Variants in SPATA6 observed in about 807,000 individuals in gnomAD.
The protein encoded by SPATA6 is spermatogenesis associated 6, also known as spermatogenesis-associated protein 6.
In SPATA6, 56 loss-of-function variants were observed where a neutral mutation model predicts 65.3. That is an observed-to-expected ratio of 0.86 (90% CI 0.69 to 1.07). The LOEUF is 1.07. SPATA6 is among the 50% of genes least tolerant of loss of function. SPATA6 has a pLI of 0.00. For missense variants in SPATA6, 590 were observed against 594.8 expected (o/e 0.99, Z 0.08); for synonymous variants, 199 against 213.2 (o/e 0.93, Z 0.58).
intron 3 of SPATA6, among the ~76,000 whole-genome samples, chr1:48,419,425 G>A (rs1653110801): frequency 6.6e-6 from 1 of 152,156 alleles, no homozygotes; most frequent in African/African-American, 2.4e-5. Context: ...GATGAAGACA[G>A]GAAATATTTC....
At chr1:48,284,578 T>C in the SPATA6 span, among the ~76,000 whole-genome samples, 1 of 152,244 alleles carries the variant, frequency 6.6e-6, no homozygotes, top group African/African-American at 2.4e-5. Context: ...TATCTACCTT[T>C]GGTCTTTGAT....
chr1:48,286,618 C>T, the SPATA6 span, among the ~76,000 whole-genome samples: 5 of 152,086 alleles, frequency 3.3e-5, no homozygotes, highest in Non-Finnish European at 7.4e-5. Context: ...TTTATATCAT[C>T]CTTCCAATTT....
At chr1:48,312,430 C>A (rs1481491631) in intron 11 of SPATA6, among the ~76,000 whole-genome samples, 1 of 152,158 alleles carries the variant, frequency 6.6e-6, no homozygotes, top group Non-Finnish European at 1.5e-5. Flanking sequence ...GATACCCAGG[C>A]AAATAGGGTC....
intron 9 of SPATA6, among the ~76,000 whole-genome samples, chr1:48,373,577 C>T (rs547160132): frequency 6.6e-5 from 10 of 152,156 alleles, no homozygotes; most frequent in East Asian, 1.9e-4. Context: ...TTTTCAGCAA[C>T]GCCCCACTCT....
At chr1:48,434,244 G>C (rs1164833923) in intron 3 of SPATA6, among the ~76,000 whole-genome samples, 1 of 98,756 alleles carries the variant, frequency 1.0e-5, no homozygotes, top group Non-Finnish European at 1.9e-5. Context: ...ATGCACTAGA[G>C]ATACAGCAGT....
chr1:48,325,969 C>A, intron 11 of SPATA6: 1 of 251,342 alleles, frequency 4.0e-6, no homozygotes. Flanking sequence ...AAGGTTTATC[C>A]CAAATAAGTA....
chr1:48,365,930 T>C (rs1467254373), intron 9 of SPATA6, among the ~76,000 whole-genome samples: 2 of 152,174 alleles, frequency 1.3e-5, no homozygotes, highest in African/African-American at 4.8e-5. Context: ...GGCTGTGGGT[T>C]TGTCATAGAT....
chr1:48,292,468 G>A (rs543631299), downstream of SPATA6, among the ~76,000 whole-genome samples: 1 of 152,362 alleles, frequency 6.6e-6, no homozygotes, highest in South Asian at 2.1e-4. Context: ...CACCTGCATA[G>A]ATAATGCCGA....
chr1:48,447,095 T>TA (rs1656124324), intron 3 of SPATA6, among the ~76,000 whole-genome samples: 2 of 152,182 alleles, frequency 1.3e-5, no homozygotes, highest in Non-Finnish European at 2.9e-5. Flanking sequence ...CATTTGCTTT[T>TA]CTCTAGCTTA....
At position 48,472,190 on chromosome 1, in the gene SPATA6, C is replaced by T; in HGVS notation, c.-182G>A. ...CGGAGAAGCAGCTGAGCGCGGGGCG[C>T]AGACTCGTTGTCATGGCAGCCAGGA... On this transcript the variant is annotated 5_prime_UTR_variant, in exon 1 of 13. Transcript: ENST00000371847. The T allele has an allele frequency of 3.8e-6, 2 of 530,528 alleles. No homozygotes were observed. Among genetic ancestry groups the T allele is most frequent in the Non-Finnish European group, 3.2e-6 (1 of 308,094 alleles). The allele number at this position is 530,528 out of a possible 1,614,324, so 32.9% of individuals were successfully genotyped here. A position where few individuals can be genotyped will look rare whatever the true frequency, so the allele number is the denominator to read the frequency against.
chr1:48,401,632 A>G (rs1183975840), intron 6 of SPATA6, among the ~76,000 whole-genome samples: 1 of 152,138 alleles, frequency 6.6e-6, no homozygotes, highest in African/African-American at 2.4e-5. Context: ...AGCCTGATAG[A>G]TGATGGGACT....
Position 48,308,401 on chromosome 1 carries a change from T to C in SPATA6, c.1195-2523A>G, listed in dbSNP as rs149634849. ...GCTATTTTTACATAAATTACATCTT[T>C]ATATACTATGTTCCTACCAACAAAT... On this transcript the variant is annotated intron_variant, in intron 11 of 12. Transcript: ENST00000371847. Among the ~76,000 whole-genome samples the C allele has an allele frequency of 4.6e-3, 702 of 152,234 alleles. 11 individuals are homozygous for C. The highest frequency in any genetic ancestry group is 0.016 in the African/African-American group (662 of 41,566).
the SPATA6 span, among the ~76,000 whole-genome samples, chr1:48,271,890 G>T: frequency 6.6e-6 from 1 of 152,126 alleles, no homozygotes; most frequent in Non-Finnish European, 1.5e-5. Flanking sequence ...AATAGATATT[G>T]TACTGTAATT....
chr1:48,319,844 C>G (rs1380633608), intron 11 of SPATA6, among the ~76,000 whole-genome samples: 1 of 152,126 alleles, frequency 6.6e-6, no homozygotes, highest in Non-Finnish European at 1.5e-5. Context: ...ACTGCTGCAC[C>G]CAACCAAGGA....
At chr1:48,362,666 G>C (rs1455810762) in intron 9 of SPATA6, among the ~76,000 whole-genome samples, 2 of 14,258 alleles carry the variant, frequency 1.4e-4, no homozygotes, top group Admixed American at 1.1e-3. Flanking sequence ...ACTGCAAAAA[G>C]AAATTCAAAG....
chr1:48,332,255 G>A (rs1372546078), intron 11 of SPATA6, among the ~76,000 whole-genome samples: 1 of 152,122 alleles, frequency 6.6e-6, no homozygotes, highest in African/African-American at 2.4e-5. Flanking sequence ...ATGTAAATGG[G>A]TTAGGTGCCC....
chr1:48,444,114 G>A (rs1456302848), intron 3 of SPATA6, among the ~76,000 whole-genome samples: 1 of 152,188 alleles, frequency 6.6e-6, no homozygotes, highest in East Asian at 1.9e-4. Flanking sequence ...AAGCCAGCTG[G>A]ATTTCCTGGG....
intron 3 of SPATA6, among the ~76,000 whole-genome samples, chr1:48,443,497 G>T (rs1246733429): frequency 1.3e-5 from 2 of 152,168 alleles, no homozygotes; most frequent in Non-Finnish European, 2.9e-5. Context: ...CAGACAGTTT[G>T]CAAGAAATAA....
At chr1:48,345,687 C>A (rs1339177388) in intron 11 of SPATA6, among the ~76,000 whole-genome samples, 1 of 151,986 alleles carries the variant, frequency 6.6e-6, no homozygotes, top group East Asian at 1.9e-4. Context: ...GAAATGAAAA[C>A]AACCATCAGA....
Sources: allele counts gnomAD v4.1 joint callset (sites outside exome capture counted in the v4.1 genomes callset), GRCh38; gene constraint gnomAD v4.1.1; transcripts MANE v1.5; gene names NCBI Gene and HGNC (gene_info 2026-07-23, HGNC 2026-07-21).